Variants in SUSD4 observed in about 807,000 individuals in gnomAD.
SUSD4 encodes sushi domain-containing protein 4.
SUSD4 carries 41 observed loss-of-function variants against 50.5 expected under a neutral mutation model. The observed-to-expected ratio is 0.81, with a 90% CI of 0.63 to 1.05. The LOEUF is 1.05. Among genes scored for constraint, SUSD4 ranks in the 50% least tolerant of loss-of-function variants. SUSD4 has a pLI of 0.00. For synonymous variants in SUSD4, 257 were observed against 257.3 expected (o/e 1.00, Z 0.01); for missense variants, 580 against 634.7 (o/e 0.91, Z 0.93).
intron 5 of SUSD4, among the ~76,000 whole-genome samples, chr1:223,244,529 G>A (rs1660791536): frequency 6.6e-6 from 1 of 152,178 alleles, no homozygotes; most frequent in African/African-American, 2.4e-5. Context: ...TCAAGAGAGG[G>A]CAGGTCACGT....
At chr1:223,237,771 A>G (rs560844155) in intron 5 of SUSD4, among the ~76,000 whole-genome samples, 3 of 152,038 alleles carry the variant, frequency 2.0e-5, no homozygotes, top group Non-Finnish European at 2.9e-5. Flanking sequence ...GGATTTTTGC[A>G]TCTATGTTCA....
intron 5 of SUSD4, among the ~76,000 whole-genome samples, chr1:223,245,881 T>C (rs559700907): frequency 2.0e-5 from 3 of 152,310 alleles, no homozygotes; most frequent in African/African-American, 2.4e-5. Flanking sequence ...CCTGGCTCGA[T>C]TGTGGTACTA....
At chr1:223,289,679 T>C (rs1453689624) in intron 3 of SUSD4, among the ~76,000 whole-genome samples, 1 of 152,206 alleles carries the variant, frequency 6.6e-6, no homozygotes, top group Admixed American at 6.5e-5. Flanking sequence ...CATTTAACTC[T>C]GGGAAGGCTC....
chr1:223,259,913 G>A (rs1571907989), intron 5 of SUSD4, among the ~76,000 whole-genome samples: 2 of 152,218 alleles, frequency 1.3e-5, no homozygotes, highest in South Asian at 4.2e-4. Flanking sequence ...ATACCGATGA[G>A]CTCCACCACA....
At chr1:223,244,407 C>G (rs966578199) in intron 5 of SUSD4, among the ~76,000 whole-genome samples, 10 of 152,080 alleles carry the variant, frequency 6.6e-5, no homozygotes, top group African/African-American at 2.4e-4. Context: ...GAAAAGGGCC[C>G]GGGTCTAGGA....
chr1:223,353,352 G>A (rs1228625890), intron 2 of SUSD4, among the ~76,000 whole-genome samples: 1 of 152,196 alleles, frequency 6.6e-6, no homozygotes, highest in African/African-American at 2.4e-5. Flanking sequence ...CCTATGTGCA[G>A]TGGAGAGGTG....
chr1:223,225,639 G>C (rs1435706256), intron 7 of SUSD4, among the ~76,000 whole-genome samples: 1 of 152,176 alleles, frequency 6.6e-6, no homozygotes, highest in Non-Finnish European at 1.5e-5. Flanking sequence ...TCACTGTCTT[G>C]TGCTGGCCTC....
intron 3 of SUSD4, among the ~76,000 whole-genome samples, chr1:223,290,570 A>T (rs2103142973): frequency 1.3e-5 from 2 of 152,270 alleles, no homozygotes; most frequent in South Asian, 4.2e-4. Flanking sequence ...ACGTGGTCTT[A>T]TTTGAGGTTG....
chr1:223,356,926 G>C (rs1318201241), intron 2 of SUSD4, among the ~76,000 whole-genome samples: 1 of 152,188 alleles, frequency 6.6e-6, no homozygotes, highest in African/African-American at 2.4e-5. Flanking sequence ...AACTGTACTT[G>C]TCAAGTGCTT....
At chr1:223,336,280 A>G (rs1572087610) in intron 2 of SUSD4, among the ~76,000 whole-genome samples, 1 of 152,222 alleles carries the variant, frequency 6.6e-6, no homozygotes, top group African/African-American at 2.4e-5. Flanking sequence ...TTAAACAACA[A>G]TTGGGAGACA....
intron 5 of SUSD4, among the ~76,000 whole-genome samples, chr1:223,250,197 C>A (rs1396504835): frequency 6.6e-6 from 1 of 152,168 alleles, no homozygotes; most frequent in South Asian, 2.1e-4. Context: ...AATAGTAATA[C>A]CTACATTGCA....
At chr1:223,334,537 G>A (rs968847500) in intron 2 of SUSD4, among the ~76,000 whole-genome samples, 1 of 152,120 alleles carries the variant, frequency 6.6e-6, no homozygotes, top group African/African-American at 2.4e-5. Context: ...TACCTTATTG[G>A]GGAATTTCAG....
At chr1:223,271,739 A>G (rs1173558450) in intron 3 of SUSD4, among the ~76,000 whole-genome samples, 1 of 152,210 alleles carries the variant, frequency 6.6e-6, no homozygotes, top group African/African-American at 2.4e-5. Flanking sequence ...AGGAGGGTGA[A>G]GTAGGAAGAA....
Position 223,255,622 on chromosome 1 carries a change from C to T in SUSD4, c.724+9008G>A, listed in dbSNP as rs151229748. On this transcript the variant is annotated intron_variant, in intron 5 of 8. Coordinates refer to ENST00000366878, the MANE Select transcript of SUSD4 (RefSeq NM_017982.4). ...CCTTAGAGCCTTATGTTCCAGAACCCCTGGCCAAGCATTACCTAACCTTGT... is the reference window on the plus strand; with the variant it reads ...CCTTAGAGCCTTATGTTCCAGAACCTCTGGCCAAGCATTACCTAACCTTGT... 1.0e-3 allele frequency among the ~76,000 whole-genome samples: 152 copies of T among 152,270 alleles called. 3 individuals carry two copies. The East Asian group carries it at 0.022, about 22-fold the overall frequency.
In SUSD4 at chr1:223,227,997, C is replaced by A. The variant is rs569954871; in HGVS notation, c.917-259G>T. On this transcript the variant is annotated intron_variant, in intron 6 of 8. Transcript: ENST00000366878. The surrounding 1 kb of genome is among the most constrained non-coding windows in gnomAD (Gnocchi z 4.5). ...TGCATGCTCACATTCCAGTCCCAGGCGCAGGCCTGGCACAGGCTTAAATAA... is the reference window on the plus strand; with the variant it reads ...TGCATGCTCACATTCCAGTCCCAGGAGCAGGCCTGGCACAGGCTTAAATAA... Among the ~76,000 whole-genome samples the A allele has an allele frequency of 2.6e-5, 4 of 152,210 alleles. No individual in the cohort carries two copies. Among genetic ancestry groups the A allele is most frequent in the Non-Finnish European group, 5.9e-5 (4 of 68,036 alleles).
intron 2 of SUSD4, among the ~76,000 whole-genome samples, chr1:223,345,879 A>G (rs1274834140): frequency 2.6e-5 from 4 of 152,016 alleles, no homozygotes; most frequent in African/African-American, 7.3e-5. Context: ...TGAAATGTGC[A>G]CCCTGGCTTT....
At chr1:223,268,425 G>C in intron 4 of SUSD4, 77 bp downstream of exon 4, 1 of 1,500,742 alleles carries the variant, frequency 6.7e-7, no homozygotes, top group South Asian at 1.4e-5. Context: ...CACTTTATTA[G>C]ATAAACATGT....
intron 2 of SUSD4, among the ~76,000 whole-genome samples, chr1:223,351,803 T>TA (rs1303164478): frequency 2.6e-5 from 4 of 152,232 alleles, no homozygotes; most frequent in African/African-American, 9.6e-5. Flanking sequence ...GTGTGTATCT[T>TA]AATCCAGTAA....
At chr1:223,282,554 G>A (rs963178005) in intron 3 of SUSD4, among the ~76,000 whole-genome samples, 28 of 152,132 alleles carry the variant, frequency 1.8e-4, no homozygotes, top group African/African-American at 6.5e-4. Flanking sequence ...ACCTCTTCAA[G>A]GAGAACTACA....
Sources: gnomAD v4.1 joint callset for allele counts (sites outside exome capture counted in the v4.1 genomes callset) on GRCh38, gnomAD v4.1.1 for gene constraint, Gnocchi (gnomAD v3.1) non-coding constraint, MANE v1.5 for transcripts, NCBI Gene and HGNC (gene_info 2026-07-23, HGNC 2026-07-21) for gene names.